Variants in SNTG1 observed in about 807,000 individuals in gnomAD.
The protein encoded by SNTG1 is syntrophin gamma 1.
In SNTG1, 39 loss-of-function variants were observed where a neutral mutation model predicts 74.7. The ratio of observed to expected loss-of-function variants is 0.52; its 90% confidence interval spans 0.40 to 0.68. The LOEUF (loss-of-function observed/expected upper bound fraction) is 0.68, where lower values mean the gene tolerates loss of function less well. Ranked by LOEUF, SNTG1 falls within the 30% of genes least tolerant of loss-of-function variation. The pLI, the probability that SNTG1 is intolerant of heterozygous loss-of-function variation, is 0.00. For missense variants in SNTG1, 685 were observed against 609.5 expected, an observed-to-expected ratio of 1.12 and a Z score of -1.30; for synonymous variants, 254 against 217.1, an observed-to-expected ratio of 1.17 and a Z score of -1.49.
At chr8:50,289,857 C>T (rs2130541819) in intron 2 of SNTG1, among the ~76,000 whole-genome samples, 1 of 152,174 alleles carries the variant, frequency 6.6e-6, no homozygotes, top group East Asian at 1.9e-4. Context: ...CTCCACCTTC[C>T]TTTGGGATGT....
chr8:50,456,486 G>A (rs1305296832), intron 8 of SNTG1, among the ~76,000 whole-genome samples: 1 of 152,004 alleles, frequency 6.6e-6, no homozygotes, highest in African/African-American at 2.4e-5. Flanking sequence ...TTTAAAGATA[G>A]TGTCTTTTTG....
chr8:50,300,967 T>C (rs897066092), intron 2 of SNTG1, among the ~76,000 whole-genome samples: 1 of 151,970 alleles, frequency 6.6e-6, no homozygotes, highest in Non-Finnish European at 1.5e-5. Flanking sequence ...CTAGAAGGAG[T>C]AATTTTTGCC....
rs181108852 is a variant in SNTG1 at position 50,047,546 on chromosome 8, A to C, written c.-102-125015A>C. On this transcript the variant is annotated intron_variant, in intron 1 of 18. Coordinates refer to ENST00000642720, the MANE Select transcript of SNTG1 (RefSeq NM_018967.5). ...AAGCTATTTTAATTACATGAACAGA[A>C]TACATTCATGACCAGAATGTTTCAT... 1.4e-3 allele frequency among the ~76,000 whole-genome samples: 209 copies of C among 152,312 alleles called. 2 individuals are homozygous for C. In the South Asian group the frequency reaches 0.023, roughly 17 times the overall value.
chr8:50,115,417 T>C (rs889159172), intron 1 of SNTG1, among the ~76,000 whole-genome samples: 21 of 151,440 alleles, frequency 1.4e-4, no homozygotes, highest in African/African-American at 5.1e-4. Flanking sequence ...AATACAAAAA[T>C]TAGCCGAGCA....
chr8:50,281,933 C>T (rs1390184012), intron 2 of SNTG1, among the ~76,000 whole-genome samples: 1 of 152,160 alleles, frequency 6.6e-6, no homozygotes, highest in African/African-American at 2.4e-5. Flanking sequence ...AAGGAATTGA[C>T]ATTGGACTTC....
intron 2 of SNTG1, among the ~76,000 whole-genome samples, chr8:50,271,342 C>T (rs912302803): frequency 1.3e-5 from 2 of 152,098 alleles, no homozygotes; most frequent in Non-Finnish European, 1.5e-5. Flanking sequence ...TCATGTTTAT[C>T]TAAGACTCAG....
At chr8:50,419,982 A>G (rs1450696844) in intron 4 of SNTG1, among the ~76,000 whole-genome samples, 2 of 152,066 alleles carry the variant, frequency 1.3e-5, no homozygotes, top group East Asian at 3.9e-4. Context: ...CTCATTCTGA[A>G]AAAAAAACAG....
At chr8:50,628,264 C>T (rs1204272553) in intron 13 of SNTG1, among the ~76,000 whole-genome samples, 1 of 151,562 alleles carries the variant, frequency 6.6e-6, no homozygotes, top group African/African-American at 2.4e-5. Context: ...AAGAGTCTGT[C>T]CTTTTTTGAA....
intron 2 of SNTG1, among the ~76,000 whole-genome samples, chr8:50,272,477 G>A (rs2087835453): frequency 6.6e-6 from 1 of 152,180 alleles, no homozygotes; most frequent in Non-Finnish European, 1.5e-5. Context: ...ACCTGGTGCT[G>A]TAAGGCACCA....
intron 2 of SNTG1, among the ~76,000 whole-genome samples, chr8:50,275,177 A>T (rs921499271): frequency 1.3e-5 from 2 of 152,176 alleles, no homozygotes; most frequent in Admixed American, 6.6e-5. Context: ...GAAATCATCC[A>T]GGTCTGGTAT....
chr8:50,168,955 T>C (rs541880064), intron 1 of SNTG1, among the ~76,000 whole-genome samples: 2 of 152,366 alleles, frequency 1.3e-5, no homozygotes, highest in Non-Finnish European at 2.9e-5. Flanking sequence ...CTCGTTTTTA[T>C]GTATAAGTCA....
intron 1 of SNTG1, among the ~76,000 whole-genome samples, chr8:49,941,508 AT>A (rs1808683742): frequency 6.8e-6 from 1 of 148,024 alleles, no homozygotes. Context: ...TTATATTTAT[AT>A]ATTATATATT....
At chr8:50,660,270 G>C (rs914764942) in intron 15 of SNTG1, among the ~76,000 whole-genome samples, 1 of 148,852 alleles carries the variant, frequency 6.7e-6, no homozygotes, top group Non-Finnish European at 1.5e-5. Flanking sequence ...AGGAGAGAGA[G>C]AGAGAAAGAA....
chr8:50,746,839 TATATA>T (rs1309099769), intron 17 of SNTG1, among the ~76,000 whole-genome samples: 2 of 147,754 alleles, frequency 1.4e-5, no homozygotes, highest in East Asian at 2.0e-4. Flanking sequence ...ATATATATAA[TATATA>T]ATATATTATA....
intron 11 of SNTG1, among the ~76,000 whole-genome samples, chr8:50,540,144 G>A (rs569123025): frequency 6.6e-6 from 1 of 152,264 alleles, no homozygotes; most frequent in East Asian, 1.9e-4. Flanking sequence ...GCATCAGAAA[G>A]CAGCTGATAA....
At chr8:50,175,164 A>G (rs1031145096) in intron 2 of SNTG1, among the ~76,000 whole-genome samples, 1 of 152,100 alleles carries the variant, frequency 6.6e-6, no homozygotes, top group South Asian at 2.1e-4. Context: ...ATAGTGCCGC[A>G]ATAAACATAC....
chr8:50,606,725 C>G (rs1446013047), intron 13 of SNTG1, among the ~76,000 whole-genome samples: 9 of 151,852 alleles, frequency 5.9e-5, no homozygotes, highest in Non-Finnish European at 8.8e-5. Context: ...TGTTCTTTAG[C>G]ATGTTGATGA....
intron 13 of SNTG1, among the ~76,000 whole-genome samples, chr8:50,594,769 G>A (rs967018374): frequency 6.6e-6 from 1 of 152,044 alleles, no homozygotes; most frequent in African/African-American, 2.4e-5. Context: ...CAGAAAAATG[G>A]CAAAAATAGA....
At chr8:50,431,298 T>A (rs534177683) in intron 4 of SNTG1, among the ~76,000 whole-genome samples, 2 of 152,314 alleles carry the variant, frequency 1.3e-5, no homozygotes, top group East Asian at 1.9e-4. Context: ...TTGTAACAAA[T>A]GTTCCCCTCT....
Sources: gnomAD v4.1 joint callset for allele counts (sites outside exome capture counted in the v4.1 genomes callset) on GRCh38, gnomAD v4.1.1 for gene constraint, MANE v1.5 for transcripts, NCBI Gene and HGNC (gene_info 2026-07-23, HGNC 2026-07-21) for gene names.